Variants in RSPO2 observed in about 807,000 individuals in gnomAD.
The protein encoded by RSPO2 is R-spondin 2.
In RSPO2, 14 loss-of-function variants were observed where a neutral mutation model predicts 30.9. The ratio of observed to expected loss-of-function variants is 0.45; its 90% CI spans 0.30 to 0.71. The LOEUF (loss-of-function observed/expected upper bound fraction) is 0.71, where lower values mean the gene tolerates loss of function less well. Among genes scored for constraint, RSPO2 ranks in the 30% least tolerant of loss-of-function variants. The probability of loss-of-function intolerance (pLI) is 0.08; values close to 1 mark genes in which losing one functional copy is unlikely to be tolerated. For synonymous variants in RSPO2, 107 were observed against 96.4 expected, an observed-to-expected ratio of 1.11 and a Z score of -0.64; for missense variants, 264 against 301.9, an observed-to-expected ratio of 0.87 and a Z score of 0.93.
intron 2 of RSPO2, among the ~76,000 whole-genome samples, chr8:108,073,970 T>C (rs1339608101): frequency 6.6e-6 from 1 of 152,218 alleles, no homozygotes; most frequent in Admixed American, 6.5e-5. Flanking sequence ...CCAATGCTCC[T>C]TAACCTATTG....
At chr8:108,061,924 C>A (rs1044796934) in intron 2 of RSPO2, among the ~76,000 whole-genome samples, 1 of 151,854 alleles carries the variant, frequency 6.6e-6, no homozygotes, top group Non-Finnish European at 1.5e-5. Flanking sequence ...ACAACCTGCT[C>A]CTGAATGACT....
chr8:108,003,763 A>G (rs577135086), intron 2 of RSPO2, among the ~76,000 whole-genome samples: 14 of 152,300 alleles, frequency 9.2e-5, no homozygotes, highest in African/African-American at 2.9e-4. Context: ...CTTCTGATGT[A>G]TAATTTTCAT....
chr8:108,050,326 A>G (rs1434570936), intron 2 of RSPO2, among the ~76,000 whole-genome samples: 2 of 152,188 alleles, frequency 1.3e-5, no homozygotes, highest in African/African-American at 4.8e-5. Context: ...AATTATAACA[A>G]TGCTTAATTT....
At chr8:108,008,658 C>T (rs575012313) in intron 2 of RSPO2, among the ~76,000 whole-genome samples, 1 of 151,972 alleles carries the variant, frequency 6.6e-6, no homozygotes, top group South Asian at 2.1e-4. Context: ...ATTATAAACA[C>T]ATTTAAAATG....
chr8:107,938,927 A>C (rs1812800839), intron 5 of RSPO2, among the ~76,000 whole-genome samples: 1 of 152,164 alleles, frequency 6.6e-6, no homozygotes, highest in South Asian at 2.1e-4. Context: ...GAGGCAAGAA[A>C]AATGAGATTT....
intron 2 of RSPO2, among the ~76,000 whole-genome samples, chr8:108,045,189 C>T (rs1252548441): frequency 1.3e-5 from 2 of 151,906 alleles, no homozygotes; most frequent in Non-Finnish European, 2.9e-5. Flanking sequence ...CTGACAAAGG[C>T]CTAATATCTA....
intron 2 of RSPO2, among the ~76,000 whole-genome samples, chr8:108,080,739 C>T (rs949881784): frequency 1.3e-5 from 2 of 152,198 alleles, no homozygotes; most frequent in African/African-American, 2.4e-5. Context: ...ATCAGAAAGC[C>T]ATCACTGAAT....
chr8:107,982,009 CAAAAAAAAAA>C (rs372977834), intron 3 of RSPO2, among the ~76,000 whole-genome samples: 5 of 55,382 alleles, frequency 9.0e-5, no homozygotes, highest in Non-Finnish European at 9.6e-5. Context: ...ACAACAACAA[CAAAAAAAAAA>C]AAAAAAAAAA....
At chr8:107,912,085 T>G (rs1056322553) in intron 5 of RSPO2, among the ~76,000 whole-genome samples, 1 of 152,008 alleles carries the variant, frequency 6.6e-6, no homozygotes, top group Non-Finnish European at 1.5e-5. Context: ...CAACTCAGTA[T>G]CAACAGTGTG....
chr8:107,948,855 A>C (rs1422037720), intron 5 of RSPO2, among the ~76,000 whole-genome samples: 2 of 115,200 alleles, frequency 1.7e-5, no homozygotes, highest in Non-Finnish European at 3.9e-5. Flanking sequence ...GCAAGACTCC[A>C]TCTCAAAAAA....
At chr8:107,914,611 CTG>C (rs1293570380) in intron 5 of RSPO2, among the ~76,000 whole-genome samples, 1 of 152,052 alleles carries the variant, frequency 6.6e-6, no homozygotes, top group African/African-American at 2.4e-5. Context: ...AAGCTAGACA[CTG>C]AGTTATTGAG....
chr8:107,925,958 T>C lies in RSPO2; in HGVS notation c.617-24768A>G, dbSNP rs1307974679. 7.2e-5 allele frequency among the ~76,000 whole-genome samples: 11 copies of C among 152,196 alleles called. No individual in the cohort carries two copies. In the East Asian group the frequency reaches 2.1e-3, roughly 29 times the overall value. On this transcript the variant is annotated intron_variant, in intron 5 of 5. Coordinates refer to ENST00000276659, the MANE Select transcript of RSPO2 (RefSeq NM_178565.5). Reference sequence around the variant, plus strand: ...CTGGGTCAAATAGTATTTCTAGTTCTAGATCCCTGAGGAATCACCACACTG... The same window carrying C: ...CTGGGTCAAATAGTATTTCTAGTTCCAGATCCCTGAGGAATCACCACACTG...
At chr8:108,035,899 G>A (rs955860479) in intron 2 of RSPO2, among the ~76,000 whole-genome samples, 2 of 151,976 alleles carry the variant, frequency 1.3e-5, no homozygotes, top group Non-Finnish European at 2.9e-5. Flanking sequence ...TCAGGTTTGG[G>A]AACCACCAAG....
At chr8:108,025,936 T>C (rs1196875955) in intron 2 of RSPO2, among the ~76,000 whole-genome samples, 3 of 152,242 alleles carry the variant, frequency 2.0e-5, no homozygotes, top group Middle Eastern at 3.4e-3. Flanking sequence ...GCTAAAACCA[T>C]TGAGTAAATA....
intron 2 of RSPO2, among the ~76,000 whole-genome samples, chr8:108,042,301 G>A (rs979821719): frequency 1.3e-5 from 2 of 152,144 alleles, no homozygotes; most frequent in African/African-American, 4.8e-5. Context: ...TGGTGATAAC[G>A]TGGGGGAAGA....
chr8:107,929,114 G>T (rs749475292), intron 5 of RSPO2, among the ~76,000 whole-genome samples: 2 of 152,170 alleles, frequency 1.3e-5, no homozygotes, highest in Non-Finnish European at 2.9e-5. Context: ...TGTCTGACTG[G>T]TAGTAGACGT....
At chr8:107,965,657 CTG>C (rs1337140447) in intron 3 of RSPO2, among the ~76,000 whole-genome samples, 1 of 151,498 alleles carries the variant, frequency 6.6e-6, no homozygotes, top group African/African-American at 2.4e-5. Flanking sequence ...TTTTTCCAAT[CTG>C]TGAATTCCCC....
At chr8:107,983,322 C>G in intron 3 of RSPO2, 2 of 1,608,300 alleles carry the variant, frequency 1.2e-6, no homozygotes, top group South Asian at 2.2e-5. Flanking sequence ...AACAGCTCCT[C>G]CTCATCCAAG....
chr8:107,987,384 C>T (rs1008029728), intron 3 of RSPO2, among the ~76,000 whole-genome samples: 2 of 152,170 alleles, frequency 1.3e-5, no homozygotes. Flanking sequence ...AATACCAAGA[C>T]TTCTTAGCCT....
Sources: allele counts gnomAD v4.1 joint callset (sites outside exome capture counted in the v4.1 genomes callset), GRCh38; gene constraint gnomAD v4.1.1; transcripts MANE v1.5; gene names NCBI Gene and HGNC (gene_info 2026-07-23, HGNC 2026-07-21).